TNFAIP8: variants seen among roughly 807,000 people sequenced by gnomAD.
TNFAIP8 encodes TNF alpha induced protein 8.
TNFAIP8 carries 7 observed loss-of-function variants against 13.3 expected under a neutral mutation model. The observed-to-expected ratio is 0.52, with a 90% CI of 0.30 to 0.99. The LOEUF (loss-of-function observed/expected upper bound fraction) is 0.99, where lower values mean the gene tolerates loss of function less well. TNFAIP8 is among the 50% of genes least tolerant of loss of function. The pLI, the probability that TNFAIP8 is intolerant of heterozygous loss-of-function variation, is 0.07. For synonymous variants in TNFAIP8, 94 were observed against 87.6 expected, an observed-to-expected ratio of 1.07 and a Z score of -0.41; for missense variants, 258 against 236.9, an observed-to-expected ratio of 1.09 and a Z score of -0.58.
chr5:119,323,007 G>T (rs7722687), intron 1 of TNFAIP8, among the ~76,000 whole-genome samples: 26,928 of 152,148 alleles, frequency 0.18, 4,455 homozygotes, highest in African/African-American at 0.44. Context: ...GAAGGCTGCT[G>T]CTTCTGGCCT....
intron 1 of TNFAIP8, among the ~76,000 whole-genome samples, chr5:119,287,742 T>G (rs1748848984): frequency 6.6e-6 from 1 of 152,226 alleles, no homozygotes; most frequent in African/African-American, 2.4e-5. Flanking sequence ...TTTTTAGGAT[T>G]TGCCTAAATA....
intron 1 of TNFAIP8, 27 bp downstream of exon 1, chr5:119,356,148 C>A: frequency 6.4e-7 from 1 of 1,554,522 alleles, no homozygotes; most frequent in East Asian, 2.4e-5. Flanking sequence ...TCCTGGGGGC[C>A]GGCCAAGTTC....
intron 1 of TNFAIP8, among the ~76,000 whole-genome samples, chr5:119,299,122 C>A (rs1749277258): frequency 6.6e-6 from 1 of 152,228 alleles, no homozygotes; most frequent in African/African-American, 2.4e-5. Flanking sequence ...AAGTCATTCT[C>A]CATCCAGCTT....
intron 1 of TNFAIP8, among the ~76,000 whole-genome samples, chr5:119,380,664 A>C (rs2112838088): frequency 6.6e-6 from 1 of 152,370 alleles, no homozygotes; most frequent in South Asian, 2.1e-4. Flanking sequence ...TCAAAAGACA[A>C]AGGATAGTTC....
At chr5:119,294,973 T>C (rs1246106652) in intron 1 of TNFAIP8, among the ~76,000 whole-genome samples, 3 of 152,010 alleles carry the variant, frequency 2.0e-5, no homozygotes, top group Non-Finnish European at 4.4e-5. Context: ...TGCGAAAATT[T>C]TCTCCCATTC....
intron 1 of TNFAIP8, among the ~76,000 whole-genome samples, chr5:119,360,831 C>A (rs148729534): frequency 1.2e-4 from 19 of 152,290 alleles, no homozygotes; most frequent in Non-Finnish European, 2.6e-4. Flanking sequence ...ATGAAGATTT[C>A]CTGTTTCACC....
At chr5:119,365,944 A>G (rs1450682066) in intron 1 of TNFAIP8, among the ~76,000 whole-genome samples, 2 of 152,118 alleles carry the variant, frequency 1.3e-5, no homozygotes, top group Non-Finnish European at 2.9e-5. Flanking sequence ...TCAAAATAGC[A>G]AAGAAAGTTA....
intron 1 of TNFAIP8, among the ~76,000 whole-genome samples, chr5:119,384,091 A>T (rs927387081): frequency 7.9e-5 from 12 of 152,302 alleles, no homozygotes; most frequent in African/African-American, 2.9e-4. Flanking sequence ...ACTTACTGTA[A>T]GACCTTGAGA....
rs753536873 is a variant in TNFAIP8, at chr5:119,393,143, A to G, written c.359A>G (p.Asp120Gly). ...AMTVVSFHQV[D>G]YTFDRNVLSR... Reference sequence around the variant, plus strand: ...ACCGTGGTCAGTTTCCATCAGGTGGATTATACCTTTGACCGGAATGTGTTA... The same window carrying G: ...ACCGTGGTCAGTTTCCATCAGGTGGGTTATACCTTTGACCGGAATGTGTTA... Residue 120 changes from aspartate to glycine, a missense_variant, in exon 2 of 2, where the codon GAT becomes GGT. Physicochemically the swap from Asp to Gly is moderately conservative, Grantham distance 94 (BLOSUM62 -1). Coordinates refer to ENST00000504771, the MANE Select transcript of TNFAIP8 (RefSeq NM_014350.4). 1.2e-6 allele frequency: 2 copies of G among 1,613,898 alleles called. No individual in the cohort carries two copies. The highest frequency in any genetic ancestry group is 2.7e-5 in the African/African-American group (2 of 74,936).
chr5:119,306,369 A>G (rs1001784088), intron 1 of TNFAIP8: 4 of 146,414 alleles, frequency 2.7e-5, no homozygotes, highest in African/African-American at 1.0e-4. Context: ...ATGTTTCCCA[A>G]ACTGGAGAGC....
chr5:119,320,427 T>G (rs760685594), intron 1 of TNFAIP8, among the ~76,000 whole-genome samples: 1 of 152,188 alleles, frequency 6.6e-6, no homozygotes, highest in East Asian at 1.9e-4. Flanking sequence ...CTCTATTCAA[T>G]GTAGCCTTCC....
intron 1 of TNFAIP8, among the ~76,000 whole-genome samples, chr5:119,373,277 AC>A (rs1752155912): frequency 6.6e-6 from 1 of 152,196 alleles, no homozygotes; most frequent in Non-Finnish European, 1.5e-5. Flanking sequence ...AATTACTCTT[AC>A]CCCAAAATGT....
intron 1 of TNFAIP8, among the ~76,000 whole-genome samples, chr5:119,283,571 T>C (rs1371671456): frequency 6.6e-6 from 1 of 152,246 alleles, no homozygotes; most frequent in African/African-American, 2.4e-5. Flanking sequence ...CTCTTAGCCT[T>C]GGTCACACCA....
chr5:119,380,144 T>C (rs900980498), intron 1 of TNFAIP8, among the ~76,000 whole-genome samples: 1 of 152,282 alleles, frequency 6.6e-6, no homozygotes, highest in Admixed American at 6.5e-5. Flanking sequence ...ACTTCTCTTA[T>C]CTGGGTCCCC....
intron 1 of TNFAIP8, among the ~76,000 whole-genome samples, chr5:119,313,222 A>G (rs17145155): frequency 0.032 from 4,843 of 152,302 alleles, 266 homozygotes; most frequent in African/African-American, 0.11. Context: ...TCTATATTTG[A>G]GTTCAAGACT....
intron 1 of TNFAIP8, among the ~76,000 whole-genome samples, chr5:119,388,241 A>G (rs917592813): frequency 1.3e-5 from 2 of 152,240 alleles, no homozygotes; most frequent in Non-Finnish European, 2.9e-5. Flanking sequence ...TGATGACAGT[A>G]AGAGAAATCA....
intron 1 of TNFAIP8, among the ~76,000 whole-genome samples, chr5:119,390,201 T>TAA (rs796874350): frequency 6.6e-6 from 1 of 151,194 alleles, no homozygotes; most frequent in Non-Finnish European, 1.5e-5. Context: ...TCTAAAACAT[T>TAA]AAAAAAAAAC....
chr5:119,351,173 C>A (rs1382354737), upstream of TNFAIP8, among the ~76,000 whole-genome samples: 1 of 151,968 alleles, frequency 6.6e-6, no homozygotes, highest in Non-Finnish European at 1.5e-5. Context: ...CAGGCATGCA[C>A]CACCATACTC....
chr5:119,282,191 T>A (rs920892664), intron 1 of TNFAIP8, among the ~76,000 whole-genome samples: 1 of 152,228 alleles, frequency 6.6e-6, no homozygotes, highest in East Asian at 1.9e-4. Flanking sequence ...TCCCAAATAA[T>A]CTCTTTCTGC....
Sources: allele counts gnomAD v4.1 joint callset (sites outside exome capture counted in the v4.1 genomes callset), GRCh38; gene constraint gnomAD v4.1.1; transcripts MANE v1.5; gene names NCBI Gene and HGNC (gene_info 2026-07-23, HGNC 2026-07-21).